The following B3GALT1 variants were observed in gnomAD, a reference collection of about 807,000 sequenced individuals.
B3GALT1 encodes beta-1,3-galactosyltransferase 1.
In B3GALT1, 10 loss-of-function variants were observed where a neutral mutation model predicts 23.2. The observed-to-expected ratio is 0.43, with a 90% CI of 0.27 to 0.73. B3GALT1 has a LOEUF of 0.73. B3GALT1 is among the 30% of genes least tolerant of loss of function. The probability of loss-of-function intolerance (pLI) is 0.21; values close to 1 mark genes in which losing one functional copy is unlikely to be tolerated. For missense variants in B3GALT1, 299 were observed against 405.4 expected (o/e 0.74, Z 2.25); for synonymous variants, 156 against 141.5 (o/e 1.10, Z -0.73).
At chr2:167,595,541 G>C (rs1684761489) in intron 2 of B3GALT1, among the ~76,000 whole-genome samples, 1 of 152,064 alleles carries the variant, frequency 6.6e-6, no homozygotes, top group South Asian at 2.1e-4. Flanking sequence ...TCTTCATTCT[G>C]TTTTACATTT....
intron 1 of B3GALT1, among the ~76,000 whole-genome samples, chr2:167,431,959 T>G (rs2105307738): frequency 6.6e-6 from 1 of 152,276 alleles, no homozygotes; most frequent in Middle Eastern, 3.4e-3. Context: ...TCTACTTGAA[T>G]AAGTGGAGCT....
At chr2:167,774,862 CTT>C (rs1688135346) in intron 3 of B3GALT1, among the ~76,000 whole-genome samples, 1 of 152,104 alleles carries the variant, frequency 6.6e-6, no homozygotes, top group Non-Finnish European at 1.5e-5. Flanking sequence ...CATTAATAAA[CTT>C]ATTAAAAATC....
At chr2:167,703,590 A>C (rs1011389470) in intron 3 of B3GALT1, among the ~76,000 whole-genome samples, 1 of 152,200 alleles carries the variant, frequency 6.6e-6, no homozygotes, top group Non-Finnish European at 1.5e-5. Context: ...AAGTCATTTT[A>C]AGATGACACA....
In B3GALT1 at chr2:167,293,067, G is replaced by T. The variant is rs2105474388; in HGVS notation, c.-778G>T. On this transcript the variant is annotated 5_prime_UTR_variant, in exon 1 of 5. Coordinates refer to ENST00000392690, the MANE Select transcript of B3GALT1 (RefSeq NM_020981.4). ...GGCTGCCGCCGCGGCTGCTCGGCTA[G>T]TGCAGCTGGGCGAGCTCGCGCGGGC... 6.6e-6 allele frequency: 1 copy of T among 151,508 alleles called. No individual in the cohort carries two copies. 9.4% of individuals were successfully genotyped at this position (151,508 alleles called of 1,614,324 possible).
intron 2 of B3GALT1, among the ~76,000 whole-genome samples, chr2:167,618,535 G>T (rs761926775): frequency 1.7e-4 from 26 of 151,846 alleles, no homozygotes; most frequent in Admixed American, 3.9e-4. Flanking sequence ...ATAAAAAAAG[G>T]TAACAGTGAA....
chr2:167,662,307 T>C (rs1185917574), intron 3 of B3GALT1, among the ~76,000 whole-genome samples: 1 of 152,136 alleles, frequency 6.6e-6, no homozygotes, highest in African/African-American at 2.4e-5. Context: ...CATGATTGAT[T>C]GTGGTTTCTC....
intron 1 of B3GALT1, among the ~76,000 whole-genome samples, chr2:167,370,892 C>T (rs932440196): frequency 6.6e-6 from 1 of 152,140 alleles, no homozygotes. Context: ...CGCCACTGCA[C>T]TCCAGCCTGG....
chr2:167,452,486 T>A (rs1699106132), intron 1 of B3GALT1, among the ~76,000 whole-genome samples: 1 of 152,202 alleles, frequency 6.6e-6, no homozygotes, highest in Non-Finnish European at 1.5e-5. Context: ...AGTGAGGGTG[T>A]GTGTATGGGG....
At chr2:167,581,703 C>T (rs1684485802) in intron 2 of B3GALT1, among the ~76,000 whole-genome samples, 1 of 152,096 alleles carries the variant, frequency 6.6e-6, no homozygotes, top group Non-Finnish European at 1.5e-5. Context: ...ACATAATGTC[C>T]ATTAAATCAG....
At chr2:167,805,185 C>T (rs1237455440) in intron 3 of B3GALT1, among the ~76,000 whole-genome samples, 1 of 151,750 alleles carries the variant, frequency 6.6e-6, no homozygotes, top group Non-Finnish European at 1.5e-5. Flanking sequence ...TTTGTTTTTT[C>T]CTTGTAGATT....
chr2:167,458,687 T>A (rs1055047948), intron 1 of B3GALT1, among the ~76,000 whole-genome samples: 1 of 152,212 alleles, frequency 6.6e-6, no homozygotes, highest in Non-Finnish European at 1.5e-5. Flanking sequence ...TAGTTTTGAT[T>A]TGCATTTCTC....
intron 2 of B3GALT1, among the ~76,000 whole-genome samples, chr2:167,543,286 A>G (rs1003941536): frequency 1.5e-4 from 23 of 152,006 alleles, no homozygotes; most frequent in African/African-American, 5.6e-4. Context: ...CAAATAAACA[A>G]ATTTATTTTG....
intron 3 of B3GALT1, among the ~76,000 whole-genome samples, chr2:167,710,976 C>T (rs556503756): frequency 6.6e-6 from 1 of 152,116 alleles, no homozygotes; most frequent in South Asian, 2.1e-4. Context: ...TTTTCCACTG[C>T]ATTTAGAATG....
intron 3 of B3GALT1, among the ~76,000 whole-genome samples, chr2:167,669,028 C>T (rs1686271406): frequency 6.6e-6 from 1 of 152,126 alleles, no homozygotes; most frequent in South Asian, 2.1e-4. Flanking sequence ...AAGTTGCTGT[C>T]CCCCTCCCTC....
At chr2:167,722,190 GT>G (rs1321900543) in intron 3 of B3GALT1, among the ~76,000 whole-genome samples, 1 of 152,178 alleles carries the variant, frequency 6.6e-6, no homozygotes, top group Non-Finnish European at 1.5e-5. Context: ...GTAGGCTATA[GT>G]ATAAATGCAC....
At chr2:167,837,634 C>T (rs1379060070) in intron 4 of B3GALT1, among the ~76,000 whole-genome samples, 6 of 150,458 alleles carry the variant, frequency 4.0e-5, no homozygotes, top group Non-Finnish European at 8.8e-5. Flanking sequence ...AGAAAGTCAA[C>T]AAGGATACCC....
intron 2 of B3GALT1, among the ~76,000 whole-genome samples, chr2:167,608,507 G>C (rs540763209): frequency 6.6e-6 from 1 of 152,230 alleles, no homozygotes; most frequent in South Asian, 2.1e-4. Context: ...GTCTAAGTGT[G>C]AGTGTGTGTG....
At chr2:167,617,048 T>C (rs1403609646) in intron 2 of B3GALT1, among the ~76,000 whole-genome samples, 1 of 152,104 alleles carries the variant, frequency 6.6e-6, no homozygotes, top group Non-Finnish European at 1.5e-5. Context: ...CTTTTGGAAG[T>C]AGGCAGTTTC....
At chr2:167,588,818 T>TTTCCTTCCTTCCTTCC (rs146662566) in intron 2 of B3GALT1, among the ~76,000 whole-genome samples, 72 of 146,394 alleles carry the variant, frequency 4.9e-4, no homozygotes, top group African/African-American at 1.4e-3. Flanking sequence ...AACCATTCTT[T>TTTCCTTCCTTCCTTCC]TTCCTTCCTT....
Sources: allele counts gnomAD v4.1 joint callset (sites outside exome capture counted in the v4.1 genomes callset), GRCh38; gene constraint gnomAD v4.1.1; transcripts MANE v1.5; gene names NCBI Gene and HGNC (gene_info 2026-07-23, HGNC 2026-07-21).